Variants in PREX2 observed in about 807,000 individuals in gnomAD.
The protein encoded by PREX2 is phosphatidylinositol-3,4,5-trisphosphate dependent Rac exchange factor 2.
Under a neutral mutation model 203.2 loss-of-function variants are expected in PREX2, and 107 were observed. The ratio of observed to expected loss-of-function variants is 0.53; its 90% CI spans 0.45 to 0.62. PREX2 has a LOEUF of 0.62. PREX2 is among the 20% of genes least tolerant of loss of function. The pLI, the probability that PREX2 is intolerant of heterozygous loss-of-function variation, is 0.00. For missense variants in PREX2, 1,777 were observed against 1,955.9 expected, an observed-to-expected ratio of 0.91 and a Z score of 1.72; for synonymous variants, 672 against 663.6, an observed-to-expected ratio of 1.01 and a Z score of -0.19.
At chr8:68,208,244 A>G (rs1216093533) in intron 37 of PREX2, among the ~76,000 whole-genome samples, 1 of 152,226 alleles carries the variant, frequency 6.6e-6, no homozygotes, top group East Asian at 1.9e-4. Context: ...TAGTGAATAC[A>G]TTAACACACT....
In PREX2 at chr8:68,069,023, A is replaced by C; in HGVS notation, c.1340-10A>C. 8.5e-7 allele frequency: 1 copy of C among 1,176,602 alleles called. No homozygotes were observed. The highest frequency in any genetic ancestry group is 1.2e-6 in the Non-Finnish European group (1 of 828,432). 72.9% of individuals were successfully genotyped at this position (1,176,602 alleles called of 1,614,324 possible). ...ATCGTTATTTTAATATAGTATTTCTATGTTCTTAGTTACTGATAAACATCA... is the reference window on the plus strand; with the variant it reads ...ATCGTTATTTTAATATAGTATTTCTCTGTTCTTAGTTACTGATAAACATCA... On this transcript the variant is annotated splice_polypyrimidine_tract_variant and intron_variant, in intron 11 of 39. Coordinates refer to ENST00000288368, the MANE Select transcript of PREX2 (RefSeq NM_024870.4).
At chr8:68,031,989 T>G (rs530857112) in intron 6 of PREX2, among the ~76,000 whole-genome samples, 12 of 152,330 alleles carry the variant, frequency 7.9e-5, no homozygotes, top group African/African-American at 2.9e-4. Flanking sequence ...TTTTGTTTCA[T>G]CCTGGTGTAT....
intron 37 of PREX2, among the ~76,000 whole-genome samples, chr8:68,212,841 T>C (rs1812765572): frequency 6.6e-6 from 1 of 152,224 alleles, no homozygotes; most frequent in Non-Finnish European, 1.5e-5. Context: ...TTTAAATTGC[T>C]GTCAAATGCA....
chr8:68,228,878 G>A (rs529064456), intron 39 of PREX2, among the ~76,000 whole-genome samples: 3 of 149,148 alleles, frequency 2.0e-5, no homozygotes, highest in Non-Finnish European at 3.0e-5. Context: ...GGAGGTTGAG[G>A]CTGCAGTGAG....
chr8:68,027,534 C>G (rs1807765101), intron 5 of PREX2, among the ~76,000 whole-genome samples: 2 of 151,904 alleles, frequency 1.3e-5, no homozygotes, highest in Admixed American at 6.6e-5. Context: ...TTTTGGTGCT[C>G]TTTGTATAAA....
At chr8:68,002,898 A>G (rs997578158) in intron 1 of PREX2, among the ~76,000 whole-genome samples, 1 of 152,182 alleles carries the variant, frequency 6.6e-6, no homozygotes, top group Admixed American at 6.5e-5. Context: ...TGAATCATGA[A>G]CTTTGGAGCT....
At chr8:68,134,618 A>G (rs1811075125) in intron 32 of PREX2, among the ~76,000 whole-genome samples, 1 of 152,216 alleles carries the variant, frequency 6.6e-6, no homozygotes, top group Non-Finnish European at 1.5e-5. Context: ...GTCGAAGGAC[A>G]CAGGCTGCTG....
chr8:68,060,818 A>G (rs1808828385), intron 11 of PREX2, 39 bp downstream of exon 11: 1 of 1,276,842 alleles, frequency 7.8e-7, no homozygotes, highest in Non-Finnish European at 1.1e-6. Context: ...TAATGCATTT[A>G]TTGGCCATAT....
At chr8:68,093,516 A>G in intron 20 of PREX2, 89 bp from the exon 21 acceptor site, 1 of 559,260 alleles carries the variant, frequency 1.8e-6, no homozygotes. Flanking sequence ...TAAAGAATCT[A>G]GAGGAATAAA....
Position 67,952,513 on chromosome 8 carries a change from G to T in PREX2, c.119G>T (p.Gly40Val), listed in dbSNP as rs370145995. The change falls in exon 1 of 40, where the codon GGC becomes GTC. Residue 40 changes from glycine (G) to valine (V), a missense_variant. By Grantham distance (109) the Gly-to-Val change is moderately radical. Transcript: ENST00000288368. ...ELQKTERDYV[G>V]TLEFLVSAFL... is the part of the protein sequence containing the mutation. ...CAGAAGACCGAGCGGGACTATGTGG[G>T]CACGCTGGAGTTCCTGGTGTCGGTG... The T allele has an allele frequency of 2.4e-5, 38 of 1,610,328 alleles. No homozygotes were observed. The highest frequency in any genetic ancestry group is 3.1e-5 in the Non-Finnish European group (37 of 1,178,358).
intron 31 of PREX2, among the ~76,000 whole-genome samples, chr8:68,132,683 G>A (rs1386364864): frequency 2.6e-5 from 4 of 152,072 alleles, no homozygotes; most frequent in Non-Finnish European, 5.9e-5. Context: ...AATAAAGTCA[G>A]CATTTATCTC....
rs556768377 is a variant in PREX2 at position 68,024,374 on chromosome 8, G to A, written c.441+2234G>A. Among the ~76,000 whole-genome samples the A allele has an allele frequency of 1.4e-4, 22 of 151,904 alleles. No individual in the cohort carries two copies. In the South Asian group the frequency reaches 2.1e-3, roughly 14 times the overall value. On this transcript the variant is annotated intron_variant, in intron 4 of 39. Coordinates refer to ENST00000288368, the MANE Select transcript of PREX2 (RefSeq NM_024870.4). ...TTTTGGGACTCTGTTAGATATGCAC[G>A]CATTCATAATTGTTAGATTCATATT...
chr8:67,993,051 A>G (rs1030494697), intron 1 of PREX2, among the ~76,000 whole-genome samples: 14 of 152,230 alleles, frequency 9.2e-5, no homozygotes, highest in African/African-American at 2.7e-4. Context: ...TACGTTTGTA[A>G]GCAGATTTCA....
intron 11 of PREX2, among the ~76,000 whole-genome samples, chr8:68,061,473 G>A (rs1475871131): frequency 6.6e-6 from 1 of 152,210 alleles, no homozygotes; most frequent in Non-Finnish European, 1.5e-5. Flanking sequence ...GCGAGCACTA[G>A]GCCCCTCAGG....
chr8:68,005,226 A>G (rs1585698225), intron 1 of PREX2, among the ~76,000 whole-genome samples: 1 of 152,214 alleles, frequency 6.6e-6, no homozygotes, highest in Admixed American at 6.5e-5. Context: ...TCCGCTCACA[A>G]TTCACAGTCA....
At chr8:68,143,601 A>G (rs1314575585) in intron 33 of PREX2, among the ~76,000 whole-genome samples, 2 of 152,174 alleles carry the variant, frequency 1.3e-5, no homozygotes, top group Non-Finnish European at 2.9e-5. Flanking sequence ...GACAGTTTTT[A>G]TCAGATGTGT....
intron 25 of PREX2, among the ~76,000 whole-genome samples, chr8:68,114,003 A>C (rs1810590170): frequency 6.6e-6 from 1 of 152,114 alleles, no homozygotes; most frequent in African/African-American, 2.4e-5. Flanking sequence ...CTGGGACTAC[A>C]GGCTTCCACC....
At chr8:68,103,459 T>C in intron 23 of PREX2, 1 of 493,922 alleles carries the variant, frequency 2.0e-6, no homozygotes, top group Non-Finnish European at 4.0e-6. Flanking sequence ...AGTTGCATCT[T>C]CAGAAATTGT....
chr8:68,001,281 C>G (rs967403576), intron 1 of PREX2, among the ~76,000 whole-genome samples: 3 of 144,810 alleles, frequency 2.1e-5, no homozygotes, highest in Non-Finnish European at 4.5e-5. Flanking sequence ...GGGCAAAGGA[C>G]ATGAAAATAC....
Sources: gnomAD v4.1 joint callset for allele counts (sites outside exome capture counted in the v4.1 genomes callset) on GRCh38, gnomAD v4.1.1 for gene constraint, MANE v1.5 for transcripts, NCBI Gene and HGNC (gene_info 2026-07-23, HGNC 2026-07-21) for gene names.